MYOZ2: variants seen among roughly 807,000 people sequenced by gnomAD.
The protein encoded by MYOZ2 is myozenin 2.
Under a neutral mutation model 25.4 loss-of-function variants are expected in MYOZ2, and 19 were observed. That is an observed-to-expected ratio of 0.75 (90% CI 0.52 to 1.10). MYOZ2 has a LOEUF of 1.10. Among genes scored for constraint, MYOZ2 ranks in the 50% least tolerant of loss-of-function variants. The pLI is 0.00. For synonymous variants in MYOZ2, 92 were observed against 106.9 expected (o/e 0.86, Z 0.86); for missense variants, 270 against 317.9 (o/e 0.85, Z 1.15).
At chr4:119,167,816 C>T (rs1285570505) in intron 5 of MYOZ2, among the ~76,000 whole-genome samples, 2 of 152,226 alleles carry the variant, frequency 1.3e-5, no homozygotes, top group African/African-American at 2.4e-5. Context: ...GCCTGAATGA[C>T]AGCACATCTG....
intron 4 of MYOZ2, among the ~76,000 whole-genome samples, chr4:119,163,293 A>C (rs533243176): frequency 6.6e-6 from 1 of 152,290 alleles, no homozygotes; most frequent in Admixed American, 6.5e-5. Context: ...AGAAAATCAA[A>C]ATTATTGCAG....
At position 119,161,051 on chromosome 4, in the gene MYOZ2, C is replaced by T. The variant is rs562348203; in HGVS notation, c.376+2900C>T. 2.2e-4 allele frequency among the ~76,000 whole-genome samples: 33 copies of T among 152,196 alleles called. No individual in the cohort carries two copies. The South Asian group carries it at 6.8e-3, about 32-fold the overall frequency. On this transcript the variant is annotated intron_variant, in intron 4 of 5. Transcript: ENST00000307128. ...ACAAATCTCTCTTGTCCCCACTTCT[C>T]TCTACTGTTCCCAGCCTCTAGTATC...
intron 2 of MYOZ2, 53 bp downstream of exon 2, chr4:119,136,654 C>G: frequency 1.4e-5 from 21 of 1,531,436 alleles, no homozygotes; most frequent in Non-Finnish European, 1.7e-5. Context: ...GAATGTGGCT[C>G]CATCCTGACG....
chr4:119,174,828 C>A (rs532677135), intron 5 of MYOZ2, among the ~76,000 whole-genome samples: 1 of 152,114 alleles, frequency 6.6e-6, no homozygotes, highest in African/African-American at 2.4e-5. Context: ...TTTGGGTCCA[C>A]GCTGCTTTTA....
chr4:119,141,508 G>C (rs1283498230), intron 2 of MYOZ2, among the ~76,000 whole-genome samples: 1 of 151,832 alleles, frequency 6.6e-6, no homozygotes, highest in Non-Finnish European at 1.5e-5. Context: ...TCAGCCTCCC[G>C]AGTAGCTGGA....
At chr4:119,185,581 C>G (rs1742274520) in intron 5 of MYOZ2, among the ~76,000 whole-genome samples, 1 of 152,184 alleles carries the variant, frequency 6.6e-6, no homozygotes, top group African/African-American at 2.4e-5. Flanking sequence ...TCCCAAAGTG[C>G]TGGGATTATG....
intron 5 of MYOZ2, among the ~76,000 whole-genome samples, chr4:119,174,180 C>A (rs932994859): frequency 6.6e-6 from 1 of 152,240 alleles, no homozygotes; most frequent in Non-Finnish European, 1.5e-5. Flanking sequence ...AAGCGCACGG[C>A]GCAGGACTGG....
At chr4:119,176,466 G>A (rs1336160911) in intron 5 of MYOZ2, among the ~76,000 whole-genome samples, 3 of 152,140 alleles carry the variant, frequency 2.0e-5, no homozygotes, top group Non-Finnish European at 2.9e-5. Flanking sequence ...TGGGTGATCT[G>A]CCCACTTCGG....
rs146424555 is a variant in MYOZ2 at position 119,172,920 on chromosome 4, G to A, written c.560+8526G>A. 2.1e-3 allele frequency among the ~76,000 whole-genome samples: 316 copies of A among 152,238 alleles called. 2 individuals are homozygous for A. Among genetic ancestry groups the A allele is most frequent in the African/African-American group, 7.2e-3 (299 of 41,534 alleles). ...TTGCAAAGGCAGTTTCAGATTCCCA[G>A]TTCTGCTTCAAAAAGCTGTATGACT... On this transcript the variant is annotated intron_variant, in intron 5 of 5. Coordinates refer to ENST00000307128, the MANE Select transcript of MYOZ2 (RefSeq NM_016599.5).
intron 5 of MYOZ2, 141 bp downstream of exon 5, chr4:119,164,535 A>C: frequency 1.3e-6 from 1 of 753,782 alleles, no homozygotes; most frequent in Non-Finnish European, 2.1e-6. Context: ...GATATCTTCT[A>C]AGCCTAGGCA....
At chr4:119,177,570 G>T (rs1005644329) in intron 5 of MYOZ2, among the ~76,000 whole-genome samples, 10 of 152,006 alleles carry the variant, frequency 6.6e-5, no homozygotes, top group Non-Finnish European at 1.2e-4. Flanking sequence ...CAACCAATGG[G>T]ATCACTTTTT....
intron 2 of MYOZ2, among the ~76,000 whole-genome samples, chr4:119,146,250 C>G (rs926042940): frequency 5.3e-5 from 8 of 151,048 alleles, no homozygotes; most frequent in Admixed American, 4.6e-4. Context: ...TTTACTATTT[C>G]TTTCGTTCTG....
At chr4:119,153,935 A>G (rs543622858) in intron 3 of MYOZ2, among the ~76,000 whole-genome samples, 2 of 152,236 alleles carry the variant, frequency 1.3e-5, no homozygotes, top group South Asian at 4.1e-4. Context: ...AGATGGGTGA[A>G]GAAAATAGGC....
chr4:119,136,459 A>G (rs1288060831), intron 1 of MYOZ2, 53 bp from the exon 2 acceptor site: 15 of 1,440,384 alleles, frequency 1.0e-5, no homozygotes, highest in East Asian at 2.3e-5. Context: ...ATTATAAGAC[A>G]CTCCAAATGA....
chr4:119,182,384 A>G (rs1313081914), intron 5 of MYOZ2, among the ~76,000 whole-genome samples: 1 of 152,158 alleles, frequency 6.6e-6, no homozygotes, highest in Non-Finnish European at 1.5e-5. Flanking sequence ...CTCAACCTGG[A>G]TCATGGTACC....
chr4:119,156,320 G>A (rs149779894), intron 3 of MYOZ2, among the ~76,000 whole-genome samples: 1 of 151,348 alleles, frequency 6.6e-6, no homozygotes. Flanking sequence ...TATGATCAAA[G>A]GTAGAAAAGC....
rs974552268 is a variant in MYOZ2, at chr4:119,186,380, T to G, written c.*180T>G. 125 of 591,894 alleles carry G rather than the reference T, an allele frequency of 2.1e-4. No homozygotes were observed. Among genetic ancestry groups the G allele is most frequent in the Non-Finnish European group, 3.1e-4 (106 of 341,100 alleles). 36.7% of individuals were successfully genotyped at this position (591,894 alleles called of 1,614,324 possible). A position where few individuals can be genotyped will look rare whatever the true frequency, so the allele number is the denominator to read the frequency against. ...AATACTAATAAACAATTAGAAATCT[T>G]ACTTTAAAAAACTTATAACTCACTT... On this transcript the variant is annotated 3_prime_UTR_variant, in exon 6 of 6. Transcript: ENST00000307128.
At chr4:119,158,192 G>C in intron 4 of MYOZ2, 41 bp downstream of exon 4, 1 of 1,605,684 alleles carries the variant, frequency 6.2e-7, no homozygotes, top group Non-Finnish European at 8.5e-7. Context: ...AAATTTCTGT[G>C]TACCTAATGA....
intron 3 of MYOZ2, among the ~76,000 whole-genome samples, chr4:119,152,681 C>A (rs180843473): frequency 6.6e-6 from 1 of 151,804 alleles, no homozygotes; most frequent in Non-Finnish European, 1.5e-5. Context: ...GAAGACTGGG[C>A]GCTGAATAAA....
Sources: gnomAD v4.1 joint callset for allele counts (sites outside exome capture counted in the v4.1 genomes callset) on GRCh38, gnomAD v4.1.1 for gene constraint, MANE v1.5 for transcripts, NCBI Gene and HGNC (gene_info 2026-07-23, HGNC 2026-07-21) for gene names.